SELP: variants seen among roughly 807,000 people sequenced by gnomAD.
SELP encodes the protein P-selectin.
A neutral mutation model predicts 104.1 loss-of-function variants in SELP; 92 were observed. The ratio of observed to expected loss-of-function variants is 0.88; its 90% confidence interval spans 0.75 to 1.05. The LOEUF (loss-of-function observed/expected upper bound fraction) is 1.05, where lower values mean the gene tolerates loss of function less well. SELP is among the 50% of genes least tolerant of loss of function. The pLI is 0.00. For missense variants in SELP, 1,022 were observed against 1,017.3 expected (o/e 1.00, Z -0.06); for synonymous variants, 397 against 364.5 (o/e 1.09, Z -1.01).
chr1:169,603,143 A>G lies in SELP; in HGVS notation c.1588T>C (p.Ser530Pro), dbSNP rs542616012. The G allele has an allele frequency of 6.2e-7, 1 of 1,614,108 alleles. No homozygotes were observed. Among genetic ancestry groups the G allele is most frequent in the South Asian group, 1.1e-5 (1 of 91,078 alleles). ...TMTCVQPLGS[S>P]SYKSTCQFIC... ...AATTGACATGTGGATTTATAACTGG[A>G]ACTTCCAAGAGGTTGAACACAGGTC... The change falls in exon 10 of 17, where the codon TCC (serine) becomes CCC (proline). Residue 530 changes from serine (S) to proline (P), a missense_variant. By Grantham distance (74) the Ser-to-Pro change is moderately conservative (BLOSUM62 -1). Transcript: ENST00000263686.
rs755530889 is a variant in SELP at position 169,609,576 on chromosome 1, T to C, written c.1261A>G (p.Met421Val). The C allele has an allele frequency of 6.2e-7, 1 of 1,614,104 alleles. No individual in the cohort carries two copies. The highest frequency in any genetic ancestry group is 8.5e-7 in the Non-Finnish European group (1 of 1,179,992). ...CGAACTATATCGGCTCCTCTCAGCA[T>C]GAAACCTTCAGCACAGCGGAAGCTA... ...NCSFRCAEGF[M>V]LRGADIVRCD... The change falls in exon 8 of 17, where the codon ATG becomes GTG. Residue 421 changes from methionine to valine, a missense_variant. By Grantham distance (21) the Met-to-Val change is conservative. Transcript: ENST00000263686.
chr1:169,604,393 C>T (rs1391499551), intron 9 of SELP, among the ~76,000 whole-genome samples: 3 of 152,106 alleles, frequency 2.0e-5, no homozygotes, highest in Admixed American at 6.6e-5. Context: ...TTCTCCCATT[C>T]TGTAGGTTGC....
chr1:169,619,205 T>G lies in SELP; in HGVS notation c.18A>C (p.Ile6=). Residue 6 remains isoleucine (I), a synonymous_variant, in exon 2 of 17, where the codon ATA becomes ATC. Transcript: ENST00000263686. MANCQ[I]AILYQRFQRV... is the part of the protein sequence containing the mutation. ...TCTGGAATCTCTGGTACAAGATGGC[T>G]ATTTGGCAGTTGGCCTGAAACAAGA... 6.2e-7 allele frequency: 1 copy of G among 1,614,020 alleles called. No homozygotes were observed. The highest frequency in any genetic ancestry group is 8.5e-7 in the Non-Finnish European group (1 of 1,179,880).
At chr1:169,621,431 TGTGTGTG>T (rs1228134539) in intron 1 of SELP, among the ~76,000 whole-genome samples, 1 of 21,164 alleles carries the variant, frequency 4.7e-5, no homozygotes, top group East Asian at 1.1e-3. Context: ...TGTGAGGTTG[TGTGTGTG>T]TGTGTGTGTG....
intron 2 of SELP, among the ~76,000 whole-genome samples, chr1:169,617,749 T>C (rs905388229): frequency 6.6e-6 from 1 of 152,188 alleles, no homozygotes; most frequent in Non-Finnish European, 1.5e-5. Flanking sequence ...CATAAGTAAT[T>C]TGCCCAAGCT....
In SELP at chr1:169,630,055, G is replaced by GA; in HGVS notation, c.3+16dup. 1.4e-5 allele frequency: 23 copies of GA among 1,614,060 alleles called. No homozygotes were observed. The highest frequency in any genetic ancestry group is 1.9e-5 in the Non-Finnish European group (23 of 1,179,968). ...ACTCACTTCAACCACTTCCCATGCA[G>GA]AAAAAAATAAACTCACCATCTCCTC... On this transcript the variant is annotated intron_variant, in intron 1 of 16. Coordinates refer to ENST00000263686, the MANE Select transcript of SELP (RefSeq NM_003005.4).
chr1:169,591,099 C>T (rs1211023485), intron 15 of SELP, among the ~76,000 whole-genome samples: 7 of 152,120 alleles, frequency 4.6e-5, no homozygotes, highest in Non-Finnish European at 1.5e-5. Flanking sequence ...TACAACATTC[C>T]CCCATCAGTC....
At chr1:169,602,098 C>T (rs937316079) in intron 10 of SELP, among the ~76,000 whole-genome samples, 5 of 151,962 alleles carry the variant, frequency 3.3e-5, no homozygotes, top group African/African-American at 1.2e-4. Context: ...TTGAGAATTC[C>T]ACTAAATTAC....
At chr1:169,611,734 C>CAT (rs3917730) in intron 6 of SELP, 57 bp from the exon 7 acceptor site, 704,690 of 1,551,966 alleles carry the variant, frequency 0.45, 165,792 homozygotes, top group African/African-American at 0.56. Context: ...AAAAGCCACA[C>CAT]AGAGAGCAAT....
chr1:169,600,138 A>T, intron 10 of SELP, among the ~76,000 whole-genome samples: 1 of 150,824 alleles, frequency 6.6e-6, no homozygotes, highest in African/African-American at 2.4e-5. Flanking sequence ...TGAAGGGCAA[A>T]GGCAGAGACA....
Position 169,596,096 on chromosome 1 carries a change from C to G in SELP, c.1930G>C (p.Ala644Pro), listed in dbSNP as rs747697651. ...GTTCCCTGCCCAGGAGTGGTGAGGG[C>G]TGGACATTGCACCCCTGGAGTAGGA... ...SLPTPGVQCP[A>P]LTTPGQGTMY... is the part of the protein sequence containing the mutation. The change falls in exon 12 of 17, where the codon GCC becomes CCC. Residue 644 changes from alanine to proline, a missense_variant. Coordinates refer to ENST00000263686, the MANE Select transcript of SELP (RefSeq NM_003005.4). 4 of 1,613,726 alleles carry G rather than the reference C, an allele frequency of 2.5e-6. No homozygotes were observed. The highest frequency in any genetic ancestry group is 3.4e-6 in the Non-Finnish European group (4 of 1,179,820).
At position 169,607,049 on chromosome 1, in the gene SELP, G is replaced by T. The variant is rs938304002; in HGVS notation, c.1419C>A (p.Val473=). Reference sequence around the variant, plus strand: ...AGCCTTCATTGCAGGTGAAGCTGCAGACTGACTGGTACCTAAAGGCACCGA... The same window carrying T: ...AGCCTTCATTGCAGGTGAAGCTGCATACTGACTGGTACCTAAAGGCACCGA... ...HPFGAFRYQS[V]CSFTCNEGLL... Residue 473 remains valine (V), a synonymous_variant, in exon 9 of 17, where the codon GTC becomes GTA. Transcript: ENST00000263686. 1 of 1,613,768 alleles carries T rather than the reference G, an allele frequency of 6.2e-7. No individual in the cohort carries two copies. The highest frequency in any genetic ancestry group is 1.1e-5 in the South Asian group (1 of 91,078).
intron 16 of SELP, 187 bp from the exon 17 acceptor site, chr1:169,589,648 A>G (rs1661251540): frequency 6.6e-6 from 1 of 152,610 alleles, no homozygotes; most frequent in Non-Finnish European, 1.5e-5. Context: ...CATCATATCT[A>G]CACCCTGAGG....
intron 8 of SELP, among the ~76,000 whole-genome samples, chr1:169,607,402 T>C (rs1662257174): frequency 6.6e-6 from 1 of 152,178 alleles, no homozygotes; most frequent in South Asian, 2.1e-4. Context: ...GCTAAGTATG[T>C]AATCAAGATG....
intron 13 of SELP, among the ~76,000 whole-genome samples, chr1:169,593,976 G>A (rs969002244): frequency 2.6e-5 from 4 of 151,996 alleles, no homozygotes; most frequent in African/African-American, 4.8e-5. Context: ...AAGGAATCAG[G>A]GTGAGGACCC....
At chr1:169,591,499 A>AAC in intron 14 of SELP, 43 bp from the exon 15 acceptor site, 2 of 1,459,200 alleles carry the variant, frequency 1.4e-6, no homozygotes, top group Middle Eastern at 1.8e-4. Context: ...TAAAAAAAAA[A>AAC]AACAAGATGA....
Position 169,617,367 on chromosome 1 carries a change from T to C in SELP, c.142A>G (p.Thr48Ala). The change falls in exon 3 of 17, where the codon ACA (threonine) becomes GCA (alanine). Residue 48 changes from threonine to alanine, a missense_variant. By Grantham distance (58) the Thr-to-Ala change is moderately conservative. Transcript: ENST00000263686. The stretch of plus-strand genomic sequence containing the variant: ...GAAATATTCCATGAGTATGCTTTTG[T>C]GCTGTAATGATAAGTCCATGCTGCC... ...EVAAWTYHYS[T>A]KAYSWNISRK... 1.9e-6 allele frequency: 3 copies of C among 1,614,130 alleles called. No individual in the cohort carries two copies. The South Asian group carries it at 3.3e-5, about 18-fold the overall frequency.
chr1:169,623,875 A>G (rs3917862), intron 1 of SELP, among the ~76,000 whole-genome samples: 5,959 of 152,290 alleles, frequency 0.039, 174 homozygotes, highest in Middle Eastern at 0.085. Context: ...AGCGTAAATG[A>G]TTTGCCCAAG....
chr1:169,613,461 A>G, intron 4 of SELP, 125 bp downstream of exon 4: 1 of 723,300 alleles, frequency 1.4e-6, no homozygotes, highest in Non-Finnish European at 2.4e-6. Context: ...AGTGGAGGAG[A>G]CAGATGATAG....
Sources: allele counts gnomAD v4.1 joint callset (sites outside exome capture counted in the v4.1 genomes callset), GRCh38; gene constraint gnomAD v4.1.1; transcripts MANE v1.5; gene names NCBI Gene and HGNC (gene_info 2026-07-23, HGNC 2026-07-21).